The following TMEM266 variants were observed in gnomAD, a reference collection of about 807,000 sequenced individuals.
TMEM266 encodes Hv1 related protein 1.
Under a neutral mutation model 50.5 loss-of-function variants are expected in TMEM266, and 33 were observed. The ratio of observed to expected loss-of-function variants is 0.65; its 90% CI spans 0.50 to 0.87. The LOEUF (loss-of-function observed/expected upper bound fraction) is 0.87, where lower values mean the gene tolerates loss of function less well. Ranked by LOEUF, TMEM266 falls within the 40% of genes least tolerant of loss-of-function variation. TMEM266 has a pLI of 0.00. For synonymous variants in TMEM266, 310 were observed against 292.3 expected (o/e 1.06, Z -0.62); for missense variants, 655 against 695.1 (o/e 0.94, Z 0.65).
At position 76,161,091 on chromosome 15, in the gene TMEM266, CAG is replaced by C. The variant is rs1027941819; in HGVS notation, c.456+926_456+927del. On this transcript the variant is annotated intron_variant, in intron 5 of 10. Transcript: ENST00000388942. This position sits in a 1 kb window ranked among gnomAD's most constrained non-coding sequence, Gnocchi z 4.1. Reference sequence around the variant, plus strand: ...CATGTGGAAAACTGGTTTCTCCTAACAGAGCCTAGGACTGGCCCAAGTCAGCG... The same window carrying C: ...CATGTGGAAAACTGGTTTCTCCTAACAGCCTAGGACTGGCCCAAGTCAGCG... 1.3e-5 allele frequency among the ~76,000 whole-genome samples: 2 copies of C among 152,156 alleles called. No individual in the cohort carries two copies. Among genetic ancestry groups the C allele is most frequent in the African/African-American group, 4.8e-5 (2 of 41,428 alleles).
intron 3 of TMEM266, among the ~76,000 whole-genome samples, chr15:76,156,114 A>C (rs1222659256): frequency 6.6e-6 from 1 of 152,232 alleles, no homozygotes; most frequent in African/African-American, 2.4e-5. Context: ...TAATCCCAGC[A>C]CTTTGGAAGG....
chr15:76,170,313 T>A (rs1165848369), intron 6 of TMEM266, among the ~76,000 whole-genome samples: 3 of 152,218 alleles, frequency 2.0e-5, no homozygotes, highest in Non-Finnish European at 4.4e-5. Flanking sequence ...GGCAGTGTTG[T>A]GCACACAGAC....
At chr15:76,091,144 A>G (rs760155493) in intron 1 of TMEM266, among the ~76,000 whole-genome samples, 4 of 152,204 alleles carry the variant, frequency 2.6e-5, no homozygotes, top group Non-Finnish European at 4.4e-5. Flanking sequence ...GAGTGTAGTG[A>G]AAGCCATAGT....
Position 76,126,756 on chromosome 15 carries a change from T to C in TMEM266, c.-96-7412T>C, listed in dbSNP as rs967336644. On this transcript the variant is annotated intron_variant, in intron 1 of 10. Coordinates refer to ENST00000388942, the MANE Select transcript of TMEM266 (RefSeq NM_152335.3). ...GTTGGCCAGGCTGGTCTCGACCTCCTGACCTCAGGTAGTCCACCTGCCTGG... is the reference window on the plus strand; with the variant it reads ...GTTGGCCAGGCTGGTCTCGACCTCCCGACCTCAGGTAGTCCACCTGCCTGG... Among the ~76,000 whole-genome samples the C allele has an allele frequency of 2.0e-5, 3 of 152,098 alleles. No individual in the cohort carries two copies. In the East Asian group the frequency reaches 5.8e-4, roughly 29 times the overall value.
chr15:76,116,933 C>G (rs1225960845), intron 1 of TMEM266, among the ~76,000 whole-genome samples: 1 of 134,308 alleles, frequency 7.4e-6, no homozygotes, highest in African/African-American at 2.8e-5. Flanking sequence ...GAGTTTCGCT[C>G]TTGTTGCCCA....
chr15:76,108,501 G>A (rs778328141), intron 1 of TMEM266, among the ~76,000 whole-genome samples: 3 of 152,222 alleles, frequency 2.0e-5, no homozygotes, highest in Non-Finnish European at 2.9e-5. Context: ...ACTGGGCCTG[G>A]GATGGGGTCT....
At chr15:76,181,374 G>A (rs1198504157) in intron 8 of TMEM266, 1 of 152,160 alleles carries the variant, frequency 6.6e-6, no homozygotes, top group Non-Finnish European at 1.5e-5. Flanking sequence ...ACTTGGGGAG[G>A]GGTGCCTAGA....
rs1015976125 is a variant in TMEM266, at chr15:76,139,972, C to G, written c.227+2077C>G. Reference sequence around the variant, plus strand: ...TGGTGTACCCCTTTCCAGGTATCCCCTGTGTATCACTCCCTAGCCTGAACC... The same window carrying G: ...TGGTGTACCCCTTTCCAGGTATCCCGTGTGTATCACTCCCTAGCCTGAACC... On this transcript the variant is annotated intron_variant, in intron 3 of 10. Transcript: ENST00000388942. This position sits in a 1 kb window ranked among gnomAD's most constrained non-coding sequence, Gnocchi z 4.1. 1.3e-5 allele frequency among the ~76,000 whole-genome samples: 2 copies of G among 152,238 alleles called. No individual in the cohort carries two copies. The highest frequency in any genetic ancestry group is 2.9e-5 in the Non-Finnish European group (2 of 68,042).
intron 5 of TMEM266, 104 bp from the exon 6 acceptor site, chr15:76,169,712 C>G: frequency 7.6e-7 from 1 of 1,324,016 alleles, no homozygotes. Context: ...GAGACCTTTT[C>G]CTTTTACTGA....
At chr15:76,158,146 C>T (rs2037955984) in intron 4 of TMEM266, among the ~76,000 whole-genome samples, 1 of 152,284 alleles carries the variant, frequency 6.6e-6, no homozygotes, top group Admixed American at 6.5e-5. Context: ...CTCAAATGCC[C>T]CCAATTCCTT....
chr15:76,175,270 A>G (rs932451910), intron 7 of TMEM266: 1 of 300,384 alleles, frequency 3.3e-6, no homozygotes, highest in Admixed American at 4.7e-5. Context: ...CCATAGCTGC[A>G]AAGGAGGCTG....
At chr15:76,166,837 G>T (rs770620365) in intron 5 of TMEM266, among the ~76,000 whole-genome samples, 9 of 152,220 alleles carry the variant, frequency 5.9e-5, no homozygotes, top group Non-Finnish European at 8.8e-5. Context: ...AGTTTGGGAA[G>T]GTGAGAAAGC....
At chr15:76,062,522 T>C (rs552472003) in intron 1 of TMEM266, among the ~76,000 whole-genome samples, 46 of 152,292 alleles carry the variant, frequency 3.0e-4, no homozygotes, top group Admixed American at 5.2e-4. Context: ...CAGTCTATGA[T>C]CAGATAAACT....
At chr15:76,116,457 C>A (rs1174505963) in intron 1 of TMEM266, among the ~76,000 whole-genome samples, 1 of 152,076 alleles carries the variant, frequency 6.6e-6, no homozygotes, top group Admixed American at 6.6e-5. Flanking sequence ...TCCTAGGAAT[C>A]CCCTTCAGAG....
At chr15:76,091,570 T>A (rs1223120294) in intron 1 of TMEM266, among the ~76,000 whole-genome samples, 1 of 151,774 alleles carries the variant, frequency 6.6e-6, no homozygotes, top group Non-Finnish European at 1.5e-5. Context: ...AAACAAAAAT[T>A]ATCAATTAAC....
At chr15:76,191,907 A>C in intron 8 of TMEM266, 61 bp from the exon 9 acceptor site, 1 of 1,454,386 alleles carries the variant, frequency 6.9e-7, no homozygotes, top group Non-Finnish European at 9.1e-7. Context: ...CCCAGAGGTC[A>C]GGCTGGAGGC....
chr15:76,087,403 T>A (rs2036792037), intron 1 of TMEM266, among the ~76,000 whole-genome samples: 1 of 152,220 alleles, frequency 6.6e-6, no homozygotes, highest in Non-Finnish European at 1.5e-5. Flanking sequence ...GGTTATACCC[T>A]TTGGTAGTAT....
chr15:76,159,359 T>G (rs1250733437), intron 4 of TMEM266, among the ~76,000 whole-genome samples: 1 of 152,160 alleles, frequency 6.6e-6, no homozygotes, highest in Non-Finnish European at 1.5e-5. Flanking sequence ...GAAAATGCCT[T>G]AACTCTAAGG....
intron 1 of TMEM266, among the ~76,000 whole-genome samples, chr15:76,104,205 CAA>C (rs55768096): frequency 0.018 from 2,679 of 147,214 alleles, 82 homozygotes; most frequent in African/African-American, 0.063. Flanking sequence ...GATTCTGTCT[CAA>C]AAAAAAAAAA....
Sources: gnomAD v4.1 joint callset for allele counts (sites outside exome capture counted in the v4.1 genomes callset) on GRCh38, gnomAD v4.1.1 for gene constraint, Gnocchi (gnomAD v3.1) non-coding constraint, MANE v1.5 for transcripts, NCBI Gene and HGNC (gene_info 2026-07-23, HGNC 2026-07-21) for gene names.